The following KYAT3 variants were observed in gnomAD, a reference collection of about 807,000 sequenced individuals.
KYAT3 encodes kynurenine aminotransferase 3.
A neutral mutation model predicts 59.0 loss-of-function variants in KYAT3; 50 were observed. That is an observed-to-expected ratio of 0.85 (90% CI 0.68 to 1.07). The LOEUF is 1.07. Among genes scored for constraint, KYAT3 ranks in the 50% least tolerant of loss-of-function variants. The pLI is 0.00. For missense variants in KYAT3, 497 were observed against 533.3 expected (o/e 0.93, Z 0.67); for synonymous variants, 148 against 177.0 (o/e 0.84, Z 1.30).
chr1:88,941,809 GTTGGGACTA>G (rs1675246015), intron 13 of KYAT3, among the ~76,000 whole-genome samples: 1 of 152,188 alleles, frequency 6.6e-6, no homozygotes, highest in African/African-American at 2.4e-5. Context: ...CTCCCAACAT[GTTGGGACTA>G]TAGGCATGAG....
chr1:88,927,019 C>T, the KYAT3 span, among the ~76,000 whole-genome samples: 1 of 152,042 alleles, frequency 6.6e-6, no homozygotes, highest in Admixed American at 6.5e-5. Context: ...TCTTTGTGGT[C>T]AAGAAAGACG....
intron 13 of KYAT3, among the ~76,000 whole-genome samples, chr1:88,941,790 C>A (rs1214283674): frequency 6.6e-6 from 1 of 152,172 alleles, no homozygotes; most frequent in Admixed American, 6.5e-5. Flanking sequence ...GCAATCCTCC[C>A]GCCTTGGTCT....
chr1:88,968,642 A>G (rs1389388845), intron 4 of KYAT3, 28 bp downstream of exon 4: 1 of 1,511,256 alleles, frequency 6.6e-7, no homozygotes, highest in Non-Finnish European at 8.8e-7. Flanking sequence ...ATAAAAGCTC[A>G]TGGCCCATAT....
At chr1:88,965,109 AT>A (rs1223252343) in intron 4 of KYAT3, 131 bp from the exon 5 acceptor site, 6 of 643,262 alleles carry the variant, frequency 9.3e-6, no homozygotes, top group Non-Finnish European at 1.5e-5. Context: ...AAGAAAATTT[AT>A]ATTTTTTAAT....
intron 2 of KYAT3, chr1:88,983,901 A>G: frequency 6.4e-7 from 1 of 1,571,562 alleles, no homozygotes; most frequent in Admixed American, 1.7e-5. Context: ...GGGGCTTCCT[A>G]GCAGCTCAGC....
intron 2 of KYAT3, among the ~76,000 whole-genome samples, chr1:88,971,123 C>G (rs1027957903): frequency 6.6e-6 from 1 of 152,138 alleles, no homozygotes; most frequent in Admixed American, 6.5e-5. Context: ...ATCTCTAACA[C>G]AATGTTTAAA....
At chr1:88,938,209 A>C (rs1675108295) in intron 13 of KYAT3, among the ~76,000 whole-genome samples, 2 of 152,198 alleles carry the variant, frequency 1.3e-5, no homozygotes, top group Non-Finnish European at 2.9e-5. Flanking sequence ...TTTTAGGTTG[A>C]GAGCATTTAA....
In KYAT3 at chr1:88,962,139, G is replaced by T. The variant is rs375698524; in HGVS notation, c.460C>A (p.Leu154Ile). Reference protein sequence around the residue: ...ALIDEGDEVILIVPFYDCYEP... With the variant: ...ALIDEGDEVIIIVPFYDCYEP... ...TAGCAGTCATAGAAAGGCACTATTA[G>T]TATGACCTGCAATAAAAGCAAATAA... Residue 154 changes from leucine (L) to isoleucine (I), a missense_variant, in exon 6 of 14, where the codon CTA becomes ATA. This residue lies in a region of KYAT3 where 469 missense variants were observed against 479.1 expected (regional missense o/e 0.98). Transcript: ENST00000260508. The T allele has an allele frequency of 3.7e-6, 6 of 1,609,864 alleles. No homozygotes were observed. The African/African-American group carries it at 8.0e-5, about 21-fold the overall frequency.
At chr1:88,941,971 A>G (rs1364321590) in intron 13 of KYAT3, among the ~76,000 whole-genome samples, 1 of 152,206 alleles carries the variant, frequency 6.6e-6, no homozygotes, top group African/African-American at 2.4e-5. Context: ...GCTTTTCACC[A>G]AATATGGGAA....
At chr1:88,991,944 T>C (rs908018882) in intron 1 of KYAT3, among the ~76,000 whole-genome samples, 3 of 151,858 alleles carry the variant, frequency 2.0e-5, no homozygotes, top group Non-Finnish European at 4.4e-5. Context: ...CTGCTAAGCT[T>C]CATTTATAAG....
intron 2 of KYAT3, among the ~76,000 whole-genome samples, chr1:88,985,285 C>T (rs1184777378): frequency 6.6e-6 from 1 of 152,200 alleles, no homozygotes; most frequent in Non-Finnish European, 1.5e-5. Context: ...GCCCTTCTGC[C>T]TGCCTACACT....
chr1:88,931,886 A>AAC (rs1674916952), downstream of KYAT3, among the ~76,000 whole-genome samples: 1 of 132,608 alleles, frequency 7.5e-6, no homozygotes, highest in African/African-American at 3.5e-5. Context: ...ACTGCAAAAA[A>AAC]AAAAAAAAAA....
intron 2 of KYAT3, among the ~76,000 whole-genome samples, chr1:88,972,849 A>C (rs1028691131): frequency 3.9e-5 from 6 of 152,240 alleles, no homozygotes; most frequent in Admixed American, 1.3e-4. Context: ...AGCAGCAAAT[A>C]ATTGTGAAAA....
chr1:88,945,736 T>C (rs1452763443), intron 11 of KYAT3, among the ~76,000 whole-genome samples: 4 of 152,162 alleles, frequency 2.6e-5, no homozygotes, highest in Admixed American at 2.6e-4. Flanking sequence ...TAAATAAGAG[T>C]TTTTGTTTTT....
chr1:88,991,601 T>A (rs1429391468), intron 1 of KYAT3, among the ~76,000 whole-genome samples: 11 of 152,178 alleles, frequency 7.2e-5, no homozygotes, highest in African/African-American at 2.7e-4. Flanking sequence ...CAAAGCCACG[T>A]CTTTAGAACA....
At chr1:88,985,638 T>C (rs763984983) in intron 2 of KYAT3, among the ~76,000 whole-genome samples, 18 of 152,198 alleles carry the variant, frequency 1.2e-4, no homozygotes, top group Non-Finnish European at 2.4e-4. Flanking sequence ...GAAATTCAGT[T>C]TCCTTATTTG....
At chr1:88,969,587 A>G in intron 2 of KYAT3, 120 bp from the exon 3 acceptor site, 1 of 618,626 alleles carries the variant, frequency 1.6e-6, no homozygotes, top group Non-Finnish European at 2.9e-6. Flanking sequence ...TTCCATAAAG[A>G]TAAATCTTAG....
chr1:88,989,084 G>A (rs1009285490), intron 1 of KYAT3, among the ~76,000 whole-genome samples: 1 of 152,280 alleles, frequency 6.6e-6, no homozygotes, highest in East Asian at 1.9e-4. Context: ...AAACATTCAG[G>A]CAAATAGATA....
At chr1:88,980,325 G>A (rs1268682290) in intron 2 of KYAT3, 1 of 152,494 alleles carries the variant, frequency 6.6e-6, no homozygotes, top group Non-Finnish European at 1.5e-5. Flanking sequence ...AATTTAAAAA[G>A]CTGCCAGAGT....
Sources: gnomAD v4.1 joint callset for allele counts (sites outside exome capture counted in the v4.1 genomes callset) on GRCh38, gnomAD v4.1.1 for gene constraint, gnomAD v4.1.1 regional missense constraint, MANE v1.5 for transcripts, NCBI Gene and HGNC (gene_info 2026-07-23, HGNC 2026-07-21) for gene names.